The following RASGRP3 variants were observed in gnomAD, a reference collection of about 807,000 sequenced individuals.
RASGRP3 encodes the protein RAS guanyl releasing protein 3, also known as ras guanyl-releasing protein 3.
Under a neutral mutation model 82.7 loss-of-function variants are expected in RASGRP3, and 54 were observed. The observed-to-expected ratio is 0.65, with a 90% CI of 0.52 to 0.82. RASGRP3 has a LOEUF of 0.82. RASGRP3 is among the 40% of genes least tolerant of loss of function. RASGRP3 has a pLI of 0.00. For synonymous variants in RASGRP3, 309 were observed against 300.5 expected (o/e 1.03, Z -0.29); for missense variants, 861 against 828.9 (o/e 1.04, Z -0.48).
intron 1 of RASGRP3, among the ~76,000 whole-genome samples, chr2:33,507,060 C>G (rs1370553110): frequency 6.6e-6 from 1 of 152,122 alleles, no homozygotes; most frequent in Non-Finnish European, 1.5e-5. Flanking sequence ...AAAATTTAAA[C>G]AGAAACAAGA....
intron 2 of RASGRP3, among the ~76,000 whole-genome samples, chr2:33,451,115 C>T (rs1336836145): frequency 6.6e-6 from 1 of 152,082 alleles, no homozygotes; most frequent in South Asian, 2.1e-4. Context: ...CTGCCCGCCT[C>T]AGCCTCCCAA....
intron 1 of RASGRP3, among the ~76,000 whole-genome samples, chr2:33,510,442 G>A (rs1670820087): frequency 6.6e-6 from 1 of 152,188 alleles, no homozygotes; most frequent in Admixed American, 6.5e-5. Flanking sequence ...ACCTAACTTT[G>A]GCTTGAGAAC....
rs115481358 is a variant in RASGRP3, at chr2:33,562,688, A to C, written c.2065-41A>C. Reference sequence around the variant, plus strand: ...TCTAGGAACACTCTTATTTTGTTATATGAGATCCAGCCATGCAATAGGTTC... The same window carrying C: ...TCTAGGAACACTCTTATTTTGTTATCTGAGATCCAGCCATGCAATAGGTTC... On this transcript the variant is annotated intron_variant, in intron 17 of 17. Transcript: ENST00000403687. 1.0e-3 allele frequency: 1,614 copies of C among 1,607,374 alleles called. 3 individuals are homozygous for C. Among genetic ancestry groups the C allele is most frequent in the Non-Finnish European group, 1.0e-3 (1,218 of 1,174,166 alleles).
intron 14 of RASGRP3, among the ~76,000 whole-genome samples, chr2:33,554,622 A>C (rs1675732669): frequency 2.0e-5 from 3 of 152,032 alleles, no homozygotes; most frequent in Admixed American, 1.3e-4. Flanking sequence ...ACAGGCGCCC[A>C]CCATCATGAC....
At chr2:33,499,320 G>A (rs1035419111) in intron 1 of RASGRP3, among the ~76,000 whole-genome samples, 8 of 152,306 alleles carry the variant, frequency 5.3e-5, no homozygotes, top group Non-Finnish European at 1.2e-4. Flanking sequence ...CACTTTGGGA[G>A]ACCGAGGTGG....
chr2:33,479,164 C>T (rs1667649362), intron 1 of RASGRP3, among the ~76,000 whole-genome samples: 1 of 152,196 alleles, frequency 6.6e-6, no homozygotes, highest in Admixed American at 6.5e-5. Context: ...GTGTGTTATG[C>T]CCTTTTCGAG....
chr2:33,453,605 G>C (rs1340961936), intron 2 of RASGRP3, among the ~76,000 whole-genome samples: 1 of 152,174 alleles, frequency 6.6e-6, no homozygotes, highest in Non-Finnish European at 1.5e-5. Context: ...GATGAAAGAT[G>C]CAAGGTTTTT....
chr2:33,487,898 T>C (rs6543717), intron 1 of RASGRP3, among the ~76,000 whole-genome samples: 94,655 of 152,146 alleles, frequency 0.62, 31,756 homozygotes, highest in African/African-American at 0.89. Context: ...TCGGGAATTC[T>C]GAGACCAGCC....
intron 1 of RASGRP3, among the ~76,000 whole-genome samples, chr2:33,499,498 C>T (rs894402129): frequency 3.3e-5 from 5 of 152,002 alleles, no homozygotes; most frequent in African/African-American, 1.2e-4. Flanking sequence ...GTGGAGGTTG[C>T]AGTGTGCCAA....
intron 1 of RASGRP3, among the ~76,000 whole-genome samples, chr2:33,444,963 C>T (rs1665426161): frequency 6.6e-6 from 1 of 152,290 alleles, no homozygotes; most frequent in East Asian, 1.9e-4. Context: ...ATAGTGCCTA[C>T]AACTTAGTAC....
intron 2 of RASGRP3, chr2:33,457,925 A>G (rs1389749130): frequency 6.6e-6 from 1 of 152,202 alleles, no homozygotes. Flanking sequence ...ATGGAATTAG[A>G]ATGCAGAGGA....
intron 1 of RASGRP3, among the ~76,000 whole-genome samples, chr2:33,501,752 G>A (rs986445350): frequency 4.6e-5 from 7 of 152,182 alleles, no homozygotes; most frequent in Admixed American, 2.6e-4. Flanking sequence ...CATGAGAACC[G>A]TTGGCAGTTT....
chr2:33,487,509 C>T (rs1226242102), intron 1 of RASGRP3, among the ~76,000 whole-genome samples: 1 of 152,178 alleles, frequency 6.6e-6, no homozygotes, highest in Admixed American at 6.5e-5. Context: ...GAATAATCAG[C>T]ATATGAATAT....
At chr2:33,486,995 T>G (rs987355010) in intron 1 of RASGRP3, among the ~76,000 whole-genome samples, 1 of 152,068 alleles carries the variant, frequency 6.6e-6, no homozygotes, top group Non-Finnish European at 1.5e-5. Flanking sequence ...AAATGATAAT[T>G]AACCCCCATT....
At position 33,529,355 on chromosome 2, in the gene RASGRP3, C is replaced by T. The variant is rs189032603; in HGVS notation, c.1083+1943C>T. Among the ~76,000 whole-genome samples, 159 of 151,428 alleles carry T rather than the reference C, an allele frequency of 1.0e-3. 1 individual carries two copies. The highest frequency in any genetic ancestry group is 1.6e-4 in the Non-Finnish European group (11 of 67,884). ...TAAAAATACAAAAAAATTAGCTTGG[C>T]GTGGTGGCAGGTGCCTGTAGTCCCA... On this transcript the variant is annotated intron_variant, in intron 10 of 17. Transcript: ENST00000403687.
chr2:33,558,624 T>C, intron 16 of RASGRP3, 48 bp from the exon 17 acceptor site: 1 of 1,476,200 alleles, frequency 6.8e-7, no homozygotes, highest in Non-Finnish European at 9.2e-7. Flanking sequence ...GATGCTTTGC[T>C]GTCAAGCAGT....
intron 17 of RASGRP3, among the ~76,000 whole-genome samples, chr2:33,562,152 C>T (rs1156356594): frequency 2.0e-5 from 3 of 152,094 alleles, no homozygotes; most frequent in African/African-American, 7.2e-5. Context: ...TTAACAAGGA[C>T]CATTTCAAGG....
At chr2:33,447,976 C>G (rs1665588768) in intron 2 of RASGRP3, 2 of 152,190 alleles carry the variant, frequency 1.3e-5, no homozygotes, top group Admixed American at 1.3e-4. Flanking sequence ...CCTTTATTTT[C>G]TCAAGTCTCT....
chr2:33,450,438 A>G (rs1558395463), intron 2 of RASGRP3, among the ~76,000 whole-genome samples: 1 of 152,110 alleles, frequency 6.6e-6, no homozygotes, highest in Non-Finnish European at 1.5e-5. Flanking sequence ...ACTGAGTTCA[A>G]CTTTTTTAGA....
Sources: allele counts gnomAD v4.1 joint callset (sites outside exome capture counted in the v4.1 genomes callset), GRCh38; gene constraint gnomAD v4.1.1; transcripts MANE v1.5; gene names NCBI Gene and HGNC (gene_info 2026-07-23, HGNC 2026-07-21).